Variants in ZNF618 observed in about 807,000 individuals in gnomAD.
ZNF618 encodes the protein zinc finger protein 618.
In ZNF618, 34 loss-of-function variants were observed where a neutral mutation model predicts 103.0. The observed-to-expected ratio is 0.33, with a 90% CI of 0.25 to 0.44. The LOEUF (loss-of-function observed/expected upper bound fraction) is 0.44. Among genes scored for constraint, ZNF618 ranks in the 20% least tolerant of loss-of-function variants. The probability of loss-of-function intolerance (pLI) is 1.00; values close to 1 mark genes in which losing one functional copy is unlikely to be tolerated. For missense variants in ZNF618, 1,059 were observed against 1,295.4 expected, an observed-to-expected ratio of 0.82 and a Z score of 2.80; for synonymous variants, 551 against 542.2, an observed-to-expected ratio of 1.02 and a Z score of -0.23.
chr9:114,009,806 G>T (rs939830251), intron 9 of ZNF618, among the ~76,000 whole-genome samples: 4 of 152,184 alleles, frequency 2.6e-5, no homozygotes, highest in African/African-American at 9.7e-5. Flanking sequence ...GCTCTTGGAA[G>T]GGGTTGGGTG....
At chr9:113,973,873 G>C (rs77486133) in intron 2 of ZNF618, among the ~76,000 whole-genome samples, 7,290 of 152,300 alleles carry the variant, frequency 0.048, 241 homozygotes, top group Middle Eastern at 0.071. Flanking sequence ...ATCTGGGGTA[G>C]AAGAGGTTAA....
chr9:114,022,713 T>C (rs1843180610), intron 10 of ZNF618, among the ~76,000 whole-genome samples: 2 of 151,992 alleles, frequency 1.3e-5, no homozygotes, highest in Admixed American at 6.6e-5. Context: ...TTAGTTTGTC[T>C]TACCAAGTTC....
At position 114,049,301 on chromosome 9, in the gene ZNF618, G is replaced by C. The variant is rs766915803; in HGVS notation, c.1999G>C (p.Val667Leu). 2 of 1,611,958 alleles carry C rather than the reference G, an allele frequency of 1.2e-6. No individual in the cohort carries two copies. The highest frequency in any genetic ancestry group is 2.7e-5 in the African/African-American group (2 of 74,932). Residue 667 changes from valine (V) to leucine (L), a missense_variant, in exon 15 of 15, where the codon GTG becomes CTG. This residue lies in a region of ZNF618 where 272 missense variants were observed against 380.1 expected (regional missense o/e 0.72). Coordinates refer to ENST00000374126, the MANE Select transcript of ZNF618 (RefSeq NM_001318042.2). ...SMHEVIELLN[V>L]CEDLAGSTGL... is the part of the protein sequence containing the mutation. ...GCACGAGGTCATCGAGCTGCTCAACGTGTGCGAGGACCTGGCGGGCTCCAC... is the reference window on the plus strand; with the variant it reads ...GCACGAGGTCATCGAGCTGCTCAACCTGTGCGAGGACCTGGCGGGCTCCAC...
intron 1 of ZNF618, among the ~76,000 whole-genome samples, chr9:113,922,405 G>T (rs887284369): frequency 1.3e-5 from 2 of 152,076 alleles, no homozygotes; most frequent in Admixed American, 6.5e-5. Context: ...CAAAGAAAGT[G>T]GTTGTGGTTG....
chr9:114,003,820 A>C (rs1413180097), intron 6 of ZNF618, among the ~76,000 whole-genome samples: 1 of 152,186 alleles, frequency 6.6e-6, no homozygotes, highest in Non-Finnish European at 1.5e-5. Flanking sequence ...AGGGGTTAGC[A>C]ACATTTTTCT....
In ZNF618 at chr9:113,882,654, G is replaced by A. The variant is rs187826360; in HGVS notation, c.33+6241G>A. ...ACTTTCTTGTTAAAGCATTCTGGAT[G>A]CTTTCATTCCGGGGCTGCTCTAGCT... On this transcript the variant is annotated intron_variant, in intron 1 of 14. Coordinates refer to ENST00000374126, the MANE Select transcript of ZNF618 (RefSeq NM_001318042.2). Among the ~76,000 whole-genome samples, 4 of 152,316 alleles carry A rather than the reference G, an allele frequency of 2.6e-5. No homozygotes were observed. In the East Asian group the frequency reaches 7.7e-4, roughly 29 times the overall value.
chr9:114,025,231 TCCAGC>T (rs1203739397), intron 10 of ZNF618, among the ~76,000 whole-genome samples: 1 of 152,232 alleles, frequency 6.6e-6, no homozygotes, highest in Non-Finnish European at 1.5e-5. Context: ...CATCTCCACC[TCCAGC>T]CCTTGAGCAC....
intron 1 of ZNF618, among the ~76,000 whole-genome samples, chr9:113,890,054 C>T (rs1424073841): frequency 6.6e-6 from 1 of 152,202 alleles, no homozygotes; most frequent in African/African-American, 2.4e-5. Context: ...AGGGTCAGGA[C>T]TTGAACTCCA....
At chr9:113,934,157 G>T (rs114591439) in intron 1 of ZNF618, among the ~76,000 whole-genome samples, 228 of 152,286 alleles carry the variant, frequency 1.5e-3, no homozygotes, top group African/African-American at 5.3e-3. Context: ...CAGTGAGCCA[G>T]GGGCCCAACT....
chr9:114,010,237 G>T (rs1250673981), intron 9 of ZNF618, among the ~76,000 whole-genome samples: 2 of 149,876 alleles, frequency 1.3e-5, no homozygotes, highest in Non-Finnish European at 3.0e-5. Flanking sequence ...GGAGGTGGAG[G>T]TTGCATTGAG....
chr9:114,050,396 G>A lies in ZNF618; in HGVS notation c.*229G>A, dbSNP rs1846046984. ...CGTGCTGTGGTTGTGGGGGTGTGGG[G>A]GGGTCTCTGTGCTCATCTCCATGGC... On this transcript the variant is annotated 3_prime_UTR_variant, in exon 15 of 15. Transcript: ENST00000374126. 2.0e-6 allele frequency: 1 copy of A among 505,916 alleles called. No homozygotes were observed. The highest frequency in any genetic ancestry group is 3.4e-6 in the Non-Finnish European group (1 of 293,972). The allele number at this position is 505,916 out of a possible 1,614,324, so 31.3% of individuals were successfully genotyped here.
chr9:114,033,005 A>G (rs1173749634), intron 12 of ZNF618, among the ~76,000 whole-genome samples: 1 of 152,194 alleles, frequency 6.6e-6, no homozygotes, highest in Non-Finnish European at 1.5e-5. Flanking sequence ...AGCCTGCGGC[A>G]TCAACTCAGC....
At chr9:113,954,427 A>G (rs1370000262) in intron 1 of ZNF618, among the ~76,000 whole-genome samples, 1 of 152,198 alleles carries the variant, frequency 6.6e-6, no homozygotes, top group Non-Finnish European at 1.5e-5. Flanking sequence ...AGCAACCTAC[A>G]TGTTGGGGGA....
intron 1 of ZNF618, among the ~76,000 whole-genome samples, chr9:113,968,467 C>A (rs911242889): frequency 6.6e-6 from 1 of 152,176 alleles, no homozygotes; most frequent in Non-Finnish European, 1.5e-5. Flanking sequence ...CTGTCAGCCT[C>A]TGCATTGAGG....
intron 1 of ZNF618, among the ~76,000 whole-genome samples, chr9:113,946,081 T>C (rs943603685): frequency 2.6e-5 from 4 of 152,170 alleles, no homozygotes; most frequent in Non-Finnish European, 5.9e-5. Context: ...TCTTCTAGAA[T>C]AATGCAAGGC....
intron 1 of ZNF618, among the ~76,000 whole-genome samples, chr9:113,897,031 G>A (rs1317060147): frequency 3.3e-5 from 5 of 151,918 alleles, no homozygotes; most frequent in Non-Finnish European, 5.9e-5. Flanking sequence ...ACTTTTGCTT[G>A]TTCTGTGTAC....
At chr9:113,991,297 C>G (rs528544271) in intron 3 of ZNF618, among the ~76,000 whole-genome samples, 1 of 152,198 alleles carries the variant, frequency 6.6e-6, no homozygotes, top group Non-Finnish European at 1.5e-5. Context: ...GCCCCTGTCC[C>G]GGCCACCTCA....
intron 1 of ZNF618, among the ~76,000 whole-genome samples, chr9:113,904,688 T>C (rs1357010684): frequency 6.6e-6 from 1 of 152,200 alleles, no homozygotes; most frequent in Non-Finnish European, 1.5e-5. Flanking sequence ...AAAATCAAGG[T>C]GTCAGCCGAG....
At chr9:114,038,126 G>C (rs1160789487) in intron 13 of ZNF618, among the ~76,000 whole-genome samples, 1 of 152,220 alleles carries the variant, frequency 6.6e-6, no homozygotes, top group Non-Finnish European at 1.5e-5. Flanking sequence ...CAGTTGGCAG[G>C]CTGCTTGGGA....
Sources: allele counts gnomAD v4.1 joint callset (sites outside exome capture counted in the v4.1 genomes callset), GRCh38; gene constraint gnomAD v4.1.1; regional missense constraint gnomAD v4.1.1; transcripts MANE v1.5; gene names NCBI Gene and HGNC (gene_info 2026-07-23, HGNC 2026-07-21).